FGF14: variants seen among roughly 807,000 people sequenced by gnomAD.
FGF14 encodes fibroblast growth factor homologous factor 4.
A neutral mutation model predicts 25.5 loss-of-function variants in FGF14; 5 were observed. That is an observed-to-expected ratio of 0.20 (90% CI 0.10 to 0.41). The LOEUF (loss-of-function observed/expected upper bound fraction) is 0.41. Among genes scored for constraint, FGF14 ranks in the 10% least tolerant of loss-of-function variants. The probability of loss-of-function intolerance (pLI) is 1.00; values close to 1 mark genes in which losing one functional copy is unlikely to be tolerated. For missense variants in FGF14, 222 were observed against 320.1 expected (o/e 0.69, Z 2.34); for synonymous variants, 138 against 118.3 (o/e 1.17, Z -1.08).
At chr13:102,166,703 A>G (rs991216705) in intron 1 of FGF14, among the ~76,000 whole-genome samples, 1 of 152,128 alleles carries the variant, frequency 6.6e-6, no homozygotes, top group Non-Finnish European at 1.5e-5. Flanking sequence ...CATGAGTTAC[A>G]ATGTCGCTGG....
At chr13:101,930,918 AGACG>A (rs1378585281) in intron 1 of FGF14, among the ~76,000 whole-genome samples, 1 of 152,184 alleles carries the variant, frequency 6.6e-6, no homozygotes, top group African/African-American at 2.4e-5. Flanking sequence ...TTTTCCACTT[AGACG>A]GTCCAACAAG....
rs992586327 is a variant in FGF14 at position 101,721,850 on chromosome 13, T to C, written c.*981A>G. On this transcript the variant is annotated 3_prime_UTR_variant, in exon 5 of 5. Transcript: ENST00000376143. Reference sequence around the variant, plus strand: ...CGCAATTCTTGTAGGTTATAATTACTGATTTTCCTTTTTTTTTTTTTCCAA... The same window carrying C: ...CGCAATTCTTGTAGGTTATAATTACCGATTTTCCTTTTTTTTTTTTTCCAA... 7.2e-6 allele frequency: 1 copy of C among 139,636 alleles called. No individual in the cohort carries two copies. The highest frequency in any genetic ancestry group is 1.6e-5 in the Non-Finnish European group (1 of 62,826). The allele number at this position is 139,636 out of a possible 1,614,324, so 8.6% of individuals were successfully genotyped here. A position where few individuals can be genotyped will look rare whatever the true frequency, so the allele number is the denominator to read the frequency against.
intron 1 of FGF14, among the ~76,000 whole-genome samples, chr13:102,257,622 C>G (rs1230500416): frequency 2.0e-5 from 3 of 151,978 alleles, no homozygotes; most frequent in Non-Finnish European, 2.9e-5. Context: ...TGTGAGCCAC[C>G]ACGCCCAGCC....
chr13:101,811,764 C>T (rs1185510415), intron 3 of FGF14, among the ~76,000 whole-genome samples: 2 of 152,138 alleles, frequency 1.3e-5, no homozygotes, highest in Non-Finnish European at 2.9e-5. Context: ...TGCTCCCCAG[C>T]GTTTGACATT....
In FGF14 at chr13:102,356,928, CATATAT is replaced by C. The variant is rs3066054; in HGVS notation, c.208+44537_208+44542del. Among the ~76,000 whole-genome samples, 22 of 142,008 alleles carry C rather than the reference CATATAT, an allele frequency of 1.5e-4. No individual in the cohort carries two copies. The East Asian group carries it at 2.1e-3, about 13-fold the overall frequency. 93.2% of individuals were successfully genotyped at this position (142,008 alleles called of 152,430 possible). ...AAGTATGATTTTAATCTATAAAATG[CATATAT>C]ATATATATATATATACACACAAACA... On this transcript the variant is annotated intron_variant, in intron 1 of 4. Transcript: ENST00000376131.
At chr13:102,228,932 A>T (rs1252168572) in intron 1 of FGF14, among the ~76,000 whole-genome samples, 2 of 152,186 alleles carry the variant, frequency 1.3e-5, no homozygotes, top group Non-Finnish European at 2.9e-5. Flanking sequence ...TTAAACATAC[A>T]GTTCTCAAGA....
intron 3 of FGF14, among the ~76,000 whole-genome samples, chr13:101,810,314 T>C (rs1029305675): frequency 1.3e-5 from 2 of 152,254 alleles, no homozygotes; most frequent in African/African-American, 4.8e-5. Flanking sequence ...CAACTGTGCA[T>C]AGTATTGTGT....
chr13:101,776,487 C>T (rs78199879), intron 3 of FGF14, among the ~76,000 whole-genome samples: 1 of 152,090 alleles, frequency 6.6e-6, no homozygotes, highest in South Asian at 2.1e-4. Flanking sequence ...GACTAAATCC[C>T]CTCTCAATTT....
At chr13:101,819,222 T>C (rs896010191) in intron 3 of FGF14, among the ~76,000 whole-genome samples, 9 of 152,126 alleles carry the variant, frequency 5.9e-5, no homozygotes, top group African/African-American at 2.2e-4. Context: ...TAAAAATTAA[T>C]TTGTGACAAA....
Position 102,198,340 on chromosome 13 carries a change from T to G in FGF14, c.208+203131A>C, listed in dbSNP as rs1203947354. On this transcript the variant is annotated intron_variant, in intron 1 of 4. Transcript: ENST00000376131. ...GCAAAGTGTCTTCTGACTGTAGAAT[T>G]CTCAGACAAATGAATGCACACCAGT... Among the ~76,000 whole-genome samples the G allele has an allele frequency of 3.3e-5, 5 of 152,332 alleles. 1 individual carries two copies. In the East Asian group the frequency reaches 9.6e-4, roughly 29 times the overall value.
At chr13:102,316,048 C>T (rs1468327511) in intron 1 of FGF14, among the ~76,000 whole-genome samples, 1 of 152,128 alleles carries the variant, frequency 6.6e-6, no homozygotes, top group Non-Finnish European at 1.5e-5. Context: ...CCAGTGCTGT[C>T]TCATTAGGGG....
At chr13:102,038,943 T>C (rs547184721) in intron 1 of FGF14, among the ~76,000 whole-genome samples, 1 of 152,312 alleles carries the variant, frequency 6.6e-6, no homozygotes, top group Admixed American at 6.5e-5. Context: ...TCCCAATTGC[T>C]GAGTATGTAC....
chr13:102,385,664 A>G (rs752211441), intron 1 of FGF14, among the ~76,000 whole-genome samples: 1 of 152,190 alleles, frequency 6.6e-6, no homozygotes, highest in Non-Finnish European at 1.5e-5. Flanking sequence ...CTTCTAAGCT[A>G]TTTATTTCTG....
chr13:101,912,850 C>A (rs764701637), intron 1 of FGF14, among the ~76,000 whole-genome samples: 1 of 152,104 alleles, frequency 6.6e-6, no homozygotes, highest in Non-Finnish European at 1.5e-5. Flanking sequence ...GGCCTATTAA[C>A]CTTCCTTATT....
intron 1 of FGF14, among the ~76,000 whole-genome samples, chr13:102,221,649 T>C (rs2050619213): frequency 6.7e-6 from 1 of 148,784 alleles, no homozygotes; most frequent in South Asian, 2.1e-4. Context: ...CACACACAGA[T>C]TTTAAGTGAA....
chr13:102,096,581 A>T (rs2140268014), intron 1 of FGF14, among the ~76,000 whole-genome samples: 1 of 152,328 alleles, frequency 6.6e-6, no homozygotes, highest in South Asian at 2.1e-4. Flanking sequence ...GTAACAACCA[A>T]GAAAGGCGAT....
At chr13:102,124,725 T>C (rs555356326) in intron 1 of FGF14, among the ~76,000 whole-genome samples, 72 of 152,162 alleles carry the variant, frequency 4.7e-4, no homozygotes, top group African/African-American at 1.6e-3. Flanking sequence ...TCCAATGTTT[T>C]CCTTTTGTCT....
intron 1 of FGF14, among the ~76,000 whole-genome samples, chr13:101,941,552 G>A (rs1311297641): frequency 6.6e-6 from 1 of 152,196 alleles, no homozygotes; most frequent in Non-Finnish European, 1.5e-5. Flanking sequence ...ACTCCTGAGA[G>A]TTCCATTTCC....
intron 1 of FGF14, among the ~76,000 whole-genome samples, chr13:102,121,568 T>C (rs990104507): frequency 6.6e-6 from 1 of 152,238 alleles, no homozygotes; most frequent in South Asian, 2.1e-4. Context: ...TTTGTAATCA[T>C]ATTTTGTTGC....
Sources: gnomAD v4.1 joint callset for allele counts (sites outside exome capture counted in the v4.1 genomes callset) on GRCh38, gnomAD v4.1.1 for gene constraint, MANE v1.5 for transcripts, NCBI Gene and HGNC (gene_info 2026-07-23, HGNC 2026-07-21) for gene names.